The following ALS2 variants were observed in gnomAD, a reference collection of about 807,000 sequenced individuals.
ALS2 encodes the protein alsin Rho guanine nucleotide exchange factor ALS2.
In ALS2, 117 loss-of-function variants were observed where a neutral mutation model predicts 203.4. That is an observed-to-expected ratio of 0.58 (90% confidence interval 0.50 to 0.67). The LOEUF (loss-of-function observed/expected upper bound fraction) is 0.67, where lower values mean the gene tolerates loss of function less well. ALS2 is among the 30% of genes least tolerant of loss of function. ALS2 has a pLI of 0.00. For missense variants in ALS2, 1,715 were observed against 1,989.4 expected (o/e 0.86, Z 2.62); for synonymous variants, 718 against 725.9 (o/e 0.99, Z 0.17).
In ALS2 at chr2:201,704,548, T is replaced by G; in HGVS notation, c.4744A>C (p.Ile1582Leu). ...AGTGACGCCAGGACACTCTGAGAGA[T>G]CTCCTCAAAAGTCTGCTGGATGACC... is the stretch of plus-strand genomic sequence containing the variant. Reference protein sequence around the residue: ...LKVIQQTFEEISQSVLASLHE... With the variant: ...LKVIQQTFEELSQSVLASLHE... Residue 1582 changes from isoleucine to leucine, a missense_variant, in exon 32 of 34, where the codon ATC becomes CTC. Physicochemically the swap from Ile to Leu is conservative, Grantham distance 5. Around this residue, in one of 3 missense-constraint regions of ALS2, gnomAD observed 1,227 missense variants for 1,413.5 expected, o/e 0.87. Transcript: ENST00000264276. 1 of 1,614,068 alleles carries G rather than the reference T, an allele frequency of 6.2e-7. No homozygotes were observed. Among genetic ancestry groups the G allele is most frequent in the Non-Finnish European group, 8.5e-7 (1 of 1,179,992 alleles).
chr2:201,726,634 A>AC (rs1379713734), intron 18 of ALS2, 30 bp downstream of exon 18: 3 of 1,611,666 alleles, frequency 1.9e-6, no homozygotes, highest in Non-Finnish European at 2.5e-6. Context: ...GATCATCCTC[A>AC]CCCCAGGCAT....
At chr2:201,711,952 G>A (rs1690057291) in intron 25 of ALS2, among the ~76,000 whole-genome samples, 1 of 152,108 alleles carries the variant, frequency 6.6e-6, no homozygotes, top group Non-Finnish European at 1.5e-5. Flanking sequence ...TCTGTATCAC[G>A]CACAAGGGGC....
At chr2:201,711,872 ACAG>A (rs1690051766) in intron 25 of ALS2, among the ~76,000 whole-genome samples, 1 of 148,576 alleles carries the variant, frequency 6.7e-6, no homozygotes, top group Non-Finnish European at 1.5e-5. Flanking sequence ...CTAACTAACA[ACAG>A]TTAACCCAGG....
intron 10 of ALS2, among the ~76,000 whole-genome samples, chr2:201,743,375 A>G (rs1035388246): frequency 3.3e-5 from 5 of 152,166 alleles, no homozygotes; most frequent in African/African-American, 1.2e-4. Flanking sequence ...CATCCCATCT[A>G]GTACTACTGT....
chr2:201,776,621 C>T (rs546894753), intron 1 of ALS2, among the ~76,000 whole-genome samples: 4 of 152,138 alleles, frequency 2.6e-5, no homozygotes, highest in East Asian at 3.9e-4. Flanking sequence ...CTACTTATTC[C>T]GTTAATATTT....
In ALS2 at chr2:201,715,851, A is replaced by G. The variant is rs1294173953; in HGVS notation, c.3837-12T>C. 1.9e-6 allele frequency: 3 copies of G among 1,613,968 alleles called. No homozygotes were observed. The highest frequency in any genetic ancestry group is 2.2e-5 in the South Asian group (2 of 91,094). ...TTCCTAGCTTCCTGCTAATAAAGTCATATCAACCTTTTATTAATCATTTCT... is the reference window on the plus strand; with the variant it reads ...TTCCTAGCTTCCTGCTAATAAAGTCGTATCAACCTTTTATTAATCATTTCT... On this transcript the variant is annotated splice_polypyrimidine_tract_variant and intron_variant, in intron 24 of 33. Coordinates refer to ENST00000264276, the MANE Select transcript of ALS2 (RefSeq NM_020919.4).
chr2:201,721,898 C>T (rs1457593744), intron 23 of ALS2: 14 of 152,122 alleles, frequency 9.2e-5, no homozygotes, highest in African/African-American at 3.1e-4. Flanking sequence ...CTCCTGACCT[C>T]GTGATCTACC....
chr2:201,705,799 A>T (rs2105965526), intron 29 of ALS2, among the ~76,000 whole-genome samples: 1 of 152,338 alleles, frequency 6.6e-6, no homozygotes, highest in South Asian at 2.1e-4. Context: ...AAATATAAAA[A>T]TTAGCTGGGT....
intron 5 of ALS2, among the ~76,000 whole-genome samples, chr2:201,756,924 G>A (rs1307604401): frequency 2.0e-5 from 3 of 152,208 alleles, no homozygotes; most frequent in Non-Finnish European, 4.4e-5. Flanking sequence ...GGCTGAGACT[G>A]CTGAACTGAT....
intron 14 of ALS2, 116 bp from the exon 15 acceptor site, chr2:201,728,756 C>T: frequency 3.1e-6 from 4 of 1,292,668 alleles, no homozygotes; most frequent in Non-Finnish European, 3.2e-6. Context: ...CGTAGCTTAG[C>T]TTGGTGTAAA....
intron 1 of ALS2, among the ~76,000 whole-genome samples, chr2:201,771,116 G>A (rs116189008): frequency 0.034 from 4,968 of 145,332 alleles, 91 homozygotes; most frequent in African/African-American, 0.053. Context: ...GCACGCTCTC[G>A]GTTCATTGCA....
intron 7 of ALS2, among the ~76,000 whole-genome samples, chr2:201,750,238 A>G (rs144613493): frequency 7.2e-5 from 11 of 152,260 alleles, no homozygotes; most frequent in Admixed American, 2.0e-4. Context: ...AACAATAACT[A>G]ACACTTTTCA....
chr2:201,768,117 CAG>C (rs1178438208), intron 2 of ALS2, among the ~76,000 whole-genome samples: 2 of 152,080 alleles, frequency 1.3e-5, no homozygotes, highest in African/African-American at 4.8e-5. Context: ...ATATGAGAAA[CAG>C]GAATTCATAT....
rs757241682 is a variant in ALS2 at position 201,723,439 on chromosome 2, C to G, written c.3515G>C (p.Gly1172Ala). The change falls in exon 22 of 34, where the codon GGG becomes GCG. Residue 1172 changes from glycine to alanine, a missense_variant and splice_region_variant. Gly to Ala is a moderately conservative substitution (Grantham distance 60, BLOSUM62 0). Coordinates refer to ENST00000264276, the MANE Select transcript of ALS2 (RefSeq NM_020919.4). The stretch of plus-strand genomic sequence containing the variant: ...TTGCCACATTCCCATATACTTTTCC[C>G]CCCTGCACAGAAATAAAAAGAAAAG... ...GYGVFDDITR[G>A]EKYMGMWQDD... 6.2e-7 allele frequency: 1 copy of G among 1,610,868 alleles called. No individual in the cohort carries two copies. Among genetic ancestry groups the G allele is most frequent in the Admixed American group, 1.7e-5 (1 of 60,020 alleles).
At chr2:201,749,591 C>A in intron 8 of ALS2, 121 bp downstream of exon 8, 1 of 1,003,020 alleles carries the variant, frequency 1.0e-6, no homozygotes, top group Admixed American at 2.3e-5. Flanking sequence ...TTATGAAAAC[C>A]AAAACAAATT....
chr2:201,752,448 T>A (rs529566586), intron 7 of ALS2, among the ~76,000 whole-genome samples: 2 of 152,236 alleles, frequency 1.3e-5, no homozygotes, highest in South Asian at 4.1e-4. Context: ...ATGAATCATG[T>A]TAAAAACAGT....
Position 201,722,941 on chromosome 2 carries a change from A to C in ALS2, c.3702+102T>G. ...AAAAATCACTGAAACGTGCACTTGA[A>C]AGGGGTGAATTTTATGGCATGTAAA... On this transcript the variant is annotated intron_variant, in intron 23 of 33. Coordinates refer to ENST00000264276, the MANE Select transcript of ALS2 (RefSeq NM_020919.4). The C allele has an allele frequency of 5.4e-6, 5 of 925,662 alleles. No homozygotes were observed. The South Asian group carries it at 7.5e-5, about 14-fold the overall frequency. 57.3% of individuals were successfully genotyped at this position (925,662 alleles called of 1,614,324 possible).
intron 25 of ALS2, 62 bp from the exon 26 acceptor site, chr2:201,711,170 T>C (rs1292812957): frequency 1.9e-6 from 2 of 1,058,450 alleles, no homozygotes; most frequent in Non-Finnish European, 2.9e-6. Flanking sequence ...TACGTGTAAA[T>C]ACTCACATGA....
At chr2:201,725,512 T>C in intron 19 of ALS2, 58 bp from the exon 20 acceptor site, 2 of 1,317,202 alleles carry the variant, frequency 1.5e-6, no homozygotes, top group East Asian at 2.3e-5. Flanking sequence ...ATTCACCTTT[T>C]GTATGTATAT....
Sources: gnomAD v4.1 joint callset for allele counts (sites outside exome capture counted in the v4.1 genomes callset) on GRCh38, gnomAD v4.1.1 for gene constraint, gnomAD v4.1.1 regional missense constraint, MANE v1.5 for transcripts, NCBI Gene and HGNC (gene_info 2026-07-23, HGNC 2026-07-21) for gene names.